HDAC8: variants seen among roughly 807,000 people sequenced by gnomAD.
HDAC8 encodes the protein histone deacetylase 8, also known as histone deacetylase-like 1.
A neutral mutation model predicts 32.2 loss-of-function variants in HDAC8; 1 was observed. The observed-to-expected ratio is 0.03, with a 90% CI of 0.01 to 0.15. The LOEUF (loss-of-function observed/expected upper bound fraction) is 0.15. HDAC8 is among the 10% of genes least tolerant of loss of function. HDAC8 has a pLI of 1.00. For missense variants in HDAC8, 117 were observed against 300.0 expected (o/e 0.39, Z 4.51); for synonymous variants, 108 against 113.9 (o/e 0.95, Z 0.33).
At chrX:72,465,503 A>G (rs1401939312) in intron 7 of HDAC8, among the ~76,000 whole-genome samples, 1 of 110,676 alleles carries the variant, frequency 9.0e-6, no homozygotes, top group African/African-American at 3.3e-5. Flanking sequence ...AGCTTTCAGT[A>G]TTATCATTAA....
chrX:72,481,605 C>CT (rs1174988587), intron 7 of HDAC8, among the ~76,000 whole-genome samples: 26 of 104,482 alleles, frequency 2.5e-4, no homozygotes, highest in East Asian at 1.8e-3. Context: ...TACCTGCTTC[C>CT]TTTTTTTTTT....
intron 9 of HDAC8, among the ~76,000 whole-genome samples, chrX:72,451,115 A>G (rs1363822943): frequency 8.9e-6 from 1 of 111,922 alleles, no homozygotes; most frequent in Admixed American, 9.5e-5. Flanking sequence ...CCACAAATCC[A>G]AGAAGTTAGG....
chrX:72,400,237 T>C (rs2045867833), intron 9 of HDAC8, among the ~76,000 whole-genome samples: 1 of 112,005 alleles, frequency 8.9e-6, no homozygotes. Context: ...ATCTCATCCA[T>C]ACTCATAGTT....
intron 9 of HDAC8, among the ~76,000 whole-genome samples, chrX:72,398,619 G>A (rs1225623232): frequency 9.1e-6 from 1 of 110,164 alleles, no homozygotes; most frequent in Admixed American, 9.7e-5. Context: ...GATTATAGGT[G>A]TGAGCCACCA....
intron 9 of HDAC8, among the ~76,000 whole-genome samples, chrX:72,417,470 T>C (rs1365737950): frequency 1.8e-5 from 2 of 111,297 alleles, no homozygotes; most frequent in East Asian, 5.6e-4. Context: ...CTATTCACAA[T>C]AGCCACAAAA....
At chrX:72,364,726 G>A (rs781967140) in intron 9 of HDAC8, among the ~76,000 whole-genome samples, 134 of 110,836 alleles carry the variant, frequency 1.2e-3, no homozygotes, top group Non-Finnish European at 2.2e-3. Context: ...CAAAATACCC[G>A]AAATAATGGG....
At chrX:72,543,763 C>T (rs782187342) in intron 4 of HDAC8, among the ~76,000 whole-genome samples, 1 of 112,474 alleles carries the variant, frequency 8.9e-6, no homozygotes, top group South Asian at 3.7e-4. Flanking sequence ...GGTCTGATTC[C>T]GGAATCATCA....
At chrX:72,503,505 C>T (rs2049290581) in intron 4 of HDAC8, among the ~76,000 whole-genome samples, 1 of 111,732 alleles carries the variant, frequency 8.9e-6, no homozygotes, top group Non-Finnish European at 1.9e-5. Flanking sequence ...CTTCCTATTT[C>T]TCTTTTCTCT....
intron 7 of HDAC8, among the ~76,000 whole-genome samples, chrX:72,465,339 A>G (rs1227218950): frequency 6.3e-5 from 7 of 111,879 alleles, no homozygotes; most frequent in African/African-American, 2.3e-4. Flanking sequence ...TATAAACCTG[A>G]AAGCACCCTA....
chrX:72,445,579 C>G (rs183509704), intron 9 of HDAC8, among the ~76,000 whole-genome samples: 1 of 111,668 alleles, frequency 9.0e-6, no homozygotes, highest in Non-Finnish European at 1.9e-5. Flanking sequence ...CCATAAAAAC[C>G]CTAGAGGAAA....
chrX:72,476,140 G>A (rs2048328947), intron 7 of HDAC8, among the ~76,000 whole-genome samples: 1 of 111,248 alleles, frequency 9.0e-6, no homozygotes, highest in Non-Finnish European at 1.9e-5. Flanking sequence ...CAGAATTAAA[G>A]TCATCCAGTG....
At chrX:72,401,101 G>A (rs782105369) in intron 9 of HDAC8, among the ~76,000 whole-genome samples, 3 of 112,243 alleles carry the variant, frequency 2.7e-5, no homozygotes, top group African/African-American at 9.7e-5. Context: ...CTTAGGAGTG[G>A]AATTGCTGGG....
chrX:72,465,129 G>C (rs945571953), intron 7 of HDAC8, among the ~76,000 whole-genome samples: 6 of 111,575 alleles, frequency 5.4e-5, no homozygotes, highest in African/African-American at 2.0e-4. Flanking sequence ...GGTTATTTAA[G>C]ATGAGGACCA....
At chrX:72,503,587 A>G (rs1424281624) in intron 4 of HDAC8, among the ~76,000 whole-genome samples, 1 of 111,758 alleles carries the variant, frequency 8.9e-6, no homozygotes, top group African/African-American at 3.3e-5. Flanking sequence ...TTTGTAAATG[A>G]TATCTTATAC....
At chrX:72,380,324 G>C (rs2045233598) in intron 9 of HDAC8, among the ~76,000 whole-genome samples, 1 of 111,789 alleles carries the variant, frequency 8.9e-6, no homozygotes, top group Admixed American at 9.5e-5. Context: ...GCACACTCTT[G>C]AATCATGCCT....
intron 4 of HDAC8, among the ~76,000 whole-genome samples, chrX:72,500,455 G>A (rs1163385272): frequency 8.9e-6 from 1 of 111,865 alleles, no homozygotes; most frequent in African/African-American, 3.2e-5. Flanking sequence ...TCATCTCTAC[G>A]ATGCAAGGTT....
chrX:72,345,950 C>T (rs2044016333), intron 10 of HDAC8, among the ~76,000 whole-genome samples: 1 of 111,948 alleles, frequency 8.9e-6, no homozygotes, highest in African/African-American at 3.2e-5. Flanking sequence ...TCCCAAAGTG[C>T]TGGATTACAA....
intron 4 of HDAC8, among the ~76,000 whole-genome samples, chrX:72,530,083 C>T (rs2050281316): frequency 8.9e-6 from 1 of 112,243 alleles, no homozygotes; most frequent in Admixed American, 9.4e-5. Context: ...TACCCAGTCT[C>T]AGTTAGTTCT....
chrX:72,492,159 A>G (rs1446111957), intron 5 of HDAC8, among the ~76,000 whole-genome samples: 1 of 112,196 alleles, frequency 8.9e-6, no homozygotes, highest in African/African-American at 3.2e-5. Context: ...TTAAACAAGG[A>G]TAATTCATGA....
Sources: gnomAD v4.1 joint callset for allele counts (sites outside exome capture counted in the v4.1 genomes callset) on GRCh38, gnomAD v4.1.1 for gene constraint, MANE v1.5 for transcripts, NCBI Gene and HGNC (gene_info 2026-07-23, HGNC 2026-07-21) for gene names.